Variants in DLGAP2 observed in about 807,000 individuals in gnomAD.
DLGAP2 encodes the protein DLG associated protein 2.
In DLGAP2, 26 loss-of-function variants were observed where a neutral mutation model predicts 100.3. The ratio of observed to expected loss-of-function variants is 0.26; its 90% CI spans 0.19 to 0.36. The LOEUF is 0.36. Among genes scored for constraint, DLGAP2 ranks in the 10% least tolerant of loss-of-function variants. The pLI is 1.00. For synonymous variants in DLGAP2, 886 were observed against 630.1 expected, an observed-to-expected ratio of 1.41 and a Z score of -6.08; for missense variants, 1,858 against 1,453.2, an observed-to-expected ratio of 1.28 and a Z score of -4.53.
chr8:1,458,022 A>G (rs1340374085), intron 3 of DLGAP2, among the ~76,000 whole-genome samples: 12 of 133,966 alleles, frequency 9.0e-5, no homozygotes, highest in Non-Finnish European at 1.5e-4. Flanking sequence ...ATAATTTTTT[A>G]TATGTGTGTA....
At chr8:1,087,023 C>T (rs1803995382) in intron 2 of DLGAP2, among the ~76,000 whole-genome samples, 1 of 152,108 alleles carries the variant, frequency 6.6e-6, no homozygotes, top group Admixed American at 6.5e-5. Flanking sequence ...CAAATCTTAG[C>T]AAATTTAAGA....
intron 12 of DLGAP2, among the ~76,000 whole-genome samples, chr8:1,684,599 C>G (rs80262204): frequency 1.3e-5 from 2 of 152,034 alleles, no homozygotes; most frequent in Non-Finnish European, 2.9e-5. Context: ...TTCAGTCAGT[C>G]TTCTATGGTT....
intron 4 of DLGAP2, 116 bp downstream of exon 4, chr8:1,501,547 G>A: frequency 9.5e-7 from 1 of 1,054,104 alleles, no homozygotes. Context: ...TTTAGAAAGG[G>A]AGCTAAGAAG....
chr8:1,491,921 G>A (rs4140955), intron 3 of DLGAP2, among the ~76,000 whole-genome samples: 79,646 of 152,078 alleles, frequency 0.52, 22,333 homozygotes, highest in Middle Eastern at 0.64. Context: ...TAAGGCCTGC[G>A]GAGCTCCGGA....
At chr8:1,436,257 A>G (rs1054924838) in intron 3 of DLGAP2, among the ~76,000 whole-genome samples, 1 of 152,206 alleles carries the variant, frequency 6.6e-6, no homozygotes, top group Non-Finnish European at 1.5e-5. Flanking sequence ...AAGGCCTGAG[A>G]GCCCCGGGCA....
intron 2 of DLGAP2, among the ~76,000 whole-genome samples, chr8:1,182,959 C>T (rs1006392067): frequency 6.6e-6 from 1 of 152,130 alleles, no homozygotes; most frequent in Non-Finnish European, 1.5e-5. Context: ...CACCATGGAG[C>T]CGGTGGAAGG....
At chr8:1,558,172 G>T (rs1176213774) in intron 5 of DLGAP2, among the ~76,000 whole-genome samples, 1 of 152,196 alleles carries the variant, frequency 6.6e-6, no homozygotes, top group Non-Finnish European at 1.5e-5. Context: ...TCTGTTGGTG[G>T]CCTCCTGGTG....
chr8:1,458,349 T>A (rs1798379387), intron 3 of DLGAP2, among the ~76,000 whole-genome samples: 1 of 152,174 alleles, frequency 6.6e-6, no homozygotes, highest in South Asian at 2.1e-4. Flanking sequence ...ACAGTAAGGA[T>A]AAAACCTTTT....
intron 3 of DLGAP2, among the ~76,000 whole-genome samples, chr8:1,362,024 T>G (rs938729285): frequency 3.3e-5 from 5 of 152,154 alleles, no homozygotes; most frequent in Admixed American, 6.5e-5. Context: ...CGTGCTACGG[T>G]GGCAAGTTCG....
At chr8:1,196,234 G>T (rs1021296900) in intron 2 of DLGAP2, among the ~76,000 whole-genome samples, 1 of 152,170 alleles carries the variant, frequency 6.6e-6, no homozygotes, top group African/African-American at 2.4e-5. Flanking sequence ...TTAGAAGTAG[G>T]CCACGTTTCA....
At chr8:926,678 G>A (rs1584895062) in intron 2 of DLGAP2, among the ~76,000 whole-genome samples, 2 of 152,352 alleles carry the variant, frequency 1.3e-5, no homozygotes, top group South Asian at 4.1e-4. Flanking sequence ...AAGGGGGTGT[G>A]CGGCAGCCGT....
At chr8:1,098,568 A>G (rs62486771) in intron 2 of DLGAP2, among the ~76,000 whole-genome samples, 74,048 of 137,700 alleles carry the variant, frequency 0.54, 22,793 homozygotes, top group Non-Finnish European at 0.7. Context: ...TGCGATGGCC[A>G]CCCACAGACG....
At chr8:1,378,899 C>T (rs1386094161) in intron 3 of DLGAP2, among the ~76,000 whole-genome samples, 1 of 152,220 alleles carries the variant, frequency 6.6e-6, no homozygotes, top group Non-Finnish European at 1.5e-5. Context: ...TCATGCTTCC[C>T]TGTCCTTTGG....
chr8:812,016 C>T (rs1041116701), intron 1 of DLGAP2, among the ~76,000 whole-genome samples: 10 of 152,200 alleles, frequency 6.6e-5, no homozygotes, highest in African/African-American at 9.6e-5. Flanking sequence ...GTGAGGCTTC[C>T]GGACTTCTGC....
chr8:1,433,081 G>A (rs939629607), intron 3 of DLGAP2, among the ~76,000 whole-genome samples: 1 of 152,184 alleles, frequency 6.6e-6, no homozygotes, highest in Non-Finnish European at 1.5e-5. Context: ...TAGGCTTTGG[G>A]ACTCCCTTGC....
chr8:1,368,469 A>G (rs1278696875), intron 3 of DLGAP2, among the ~76,000 whole-genome samples: 2 of 152,178 alleles, frequency 1.3e-5, no homozygotes, highest in Non-Finnish European at 2.9e-5. Context: ...GCTCTCCCCT[A>G]TGCTGTGCTC....
intron 6 of DLGAP2, among the ~76,000 whole-genome samples, chr8:1,584,189 C>G (rs1243850449): frequency 6.6e-6 from 1 of 152,194 alleles, no homozygotes; most frequent in Non-Finnish European, 1.5e-5. Flanking sequence ...CGTCTTATGA[C>G]TCATTTGTCA....
At chr8:1,233,048 C>T (rs1351559916) in intron 2 of DLGAP2, among the ~76,000 whole-genome samples, 1 of 152,174 alleles carries the variant, frequency 6.6e-6, no homozygotes, top group Non-Finnish European at 1.5e-5. Flanking sequence ...AATTTTGTGC[C>T]TGGTTTCTTC....
At chr8:1,284,905 C>T (rs1585222406) in intron 3 of DLGAP2, among the ~76,000 whole-genome samples, 1 of 152,194 alleles carries the variant, frequency 6.6e-6, no homozygotes, top group South Asian at 2.1e-4. Flanking sequence ...TCATTCTTGA[C>T]CTTCTGTGTT....
Sources: gnomAD v4.1 joint callset for allele counts (sites outside exome capture counted in the v4.1 genomes callset) on GRCh38, gnomAD v4.1.1 for gene constraint, MANE v1.5 for transcripts, NCBI Gene and HGNC (gene_info 2026-07-23, HGNC 2026-07-21) for gene names.